Variants in STARD8 observed in about 807,000 individuals in gnomAD.
STARD8 encodes the protein stAR-related lipid transfer protein 8.
STARD8 carries 25 observed loss-of-function variants against 69.4 expected under a neutral mutation model. The ratio of observed to expected loss-of-function variants is 0.36; its 90% CI spans 0.26 to 0.50. STARD8 has a LOEUF of 0.50. STARD8 is among the 20% of genes least tolerant of loss of function. STARD8 has a pLI of 0.96. For missense variants in STARD8, 921 were observed against 932.5 expected (o/e 0.99, Z 0.16); for synonymous variants, 389 against 374.6 (o/e 1.04, Z -0.45).
At chrX:68,674,926 G>A (rs2079754834) in intron 2 of STARD8, among the ~76,000 whole-genome samples, 1 of 106,297 alleles carries the variant, frequency 9.4e-6, no homozygotes, top group African/African-American at 3.5e-5. Flanking sequence ...GGGATTACAG[G>A]CACGCACCAC....
chrX:68,707,147 G>C (rs1323019710), intron 2 of STARD8, among the ~76,000 whole-genome samples: 1 of 112,704 alleles, frequency 8.9e-6, no homozygotes, highest in African/African-American at 3.2e-5. Context: ...ACCCTGTTTT[G>C]GAGGCCCCCA....
rs756382411 is a variant in STARD8 at position 68,718,527 on chromosome X, T to C, written c.1613T>C (p.Met538Thr). 1.7e-5 allele frequency: 20 copies of C among 1,210,859 alleles called. No homozygotes were observed. In the East Asian group the frequency reaches 5.9e-4, roughly 36 times the overall value. The part of the protein sequence containing the change: ...SSELDSSGNS[M>T]NEAEAAGPLA... ...GAACTTGACAGTAGTGGGAACTCCATGAATGAGGCTGAGGCTGCGGGGCCC... is the reference window on the plus strand; with the variant it reads ...GAACTTGACAGTAGTGGGAACTCCACGAATGAGGCTGAGGCTGCGGGGCCC... Residue 538 changes from methionine to threonine, a missense_variant, in exon 6 of 15, where the codon ATG becomes ACG. Coordinates refer to ENST00000374599, the MANE Select transcript of STARD8 (RefSeq NM_001142503.3).
At chrX:68,680,471 G>T (rs2079794581) in intron 2 of STARD8, among the ~76,000 whole-genome samples, 2 of 112,477 alleles carry the variant, frequency 1.8e-5, no homozygotes, top group African/African-American at 6.5e-5. Flanking sequence ...AGGGCCCCTG[G>T]CTAGTCACAA....
chrX:68,683,960 C>T (rs896289932), intron 2 of STARD8, among the ~76,000 whole-genome samples: 8 of 112,410 alleles, frequency 7.1e-5, no homozygotes, highest in African/African-American at 2.6e-4. Flanking sequence ...ATTACCTTTG[C>T]TGCTTCTGAG....
chrX:68,647,853 G>A lies in STARD8; in HGVS notation c.-30G>A. ...AGGAGCCGGTGCCCGGCACAGCCCC[G>A]CCGGCCCTAGAAGCTCCCCACGCGC... On this transcript the variant is annotated 5_prime_UTR_variant, in exon 1 of 15. Coordinates refer to ENST00000374599, the MANE Select transcript of STARD8 (RefSeq NM_001142503.3). The A allele has an allele frequency of 1.7e-6, 2 of 1,189,778 alleles. No individual in the cohort carries two copies. Among genetic ancestry groups the A allele is most frequent in the Non-Finnish European group, 2.3e-6 (2 of 884,727 alleles).
chrX:68,664,774 G>A (rs920838164), intron 1 of STARD8, among the ~76,000 whole-genome samples: 6 of 112,297 alleles, frequency 5.3e-5, no homozygotes, highest in African/African-American at 9.7e-5. Flanking sequence ...GTTCAGCTGC[G>A]TAAGGATCTC....
In STARD8 at chrX:68,676,983, CA is replaced by C. The variant is rs370318009; in HGVS notation, c.79+11464del. 2.3e-3 allele frequency among the ~76,000 whole-genome samples: 214 copies of C among 94,057 alleles called. 1 individual carries two copies. The highest frequency in any genetic ancestry group is 3.1e-3 in the African/African-American group (81 of 25,931). The allele number at this position is 94,057 out of a possible 115,157, so 81.7% of individuals were successfully genotyped here. Reference sequence around the variant, plus strand: ...CAACATAGGGAGACCCCGCCCCTACCAAAAAAAAAAAAATTAGCCAGGTGTG... The same window carrying C: ...CAACATAGGGAGACCCCGCCCCTACCAAAAAAAAAAAATTAGCCAGGTGTG... On this transcript the variant is annotated intron_variant, in intron 2 of 14. Coordinates refer to ENST00000374599, the MANE Select transcript of STARD8 (RefSeq NM_001142503.3).
rs369464761 is a variant in STARD8 at position 68,723,953 on chromosome X, G to T, written c.3026G>T (p.Arg1009Leu). The stretch of plus-strand genomic sequence containing the variant: ...TGTCCCTTCTCCAATAGGATGTGGC[G>T]CTCTGACCTGCCTCGTGGGGGTTGC... ...CRDFVVLRMW[R>L]SDLPRGGCLL... The change falls in exon 14 of 15, where the codon CGC becomes CTC. Residue 1009 changes from arginine (R) to leucine (L), a missense_variant. By Grantham distance (102) the Arg-to-Leu change is moderately radical (BLOSUM62 -2). Coordinates refer to ENST00000374599, the MANE Select transcript of STARD8 (RefSeq NM_001142503.3). 4.4e-5 allele frequency: 53 copies of T among 1,210,371 alleles called. No homozygotes were observed. The Admixed American group carries it at 5.2e-4, about 12-fold the overall frequency.
intron 1 of STARD8, among the ~76,000 whole-genome samples, chrX:68,661,945 CCTCTCTCTCTCT>C (rs748990661): frequency 1.4e-5 from 1 of 72,347 alleles, no homozygotes; most frequent in African/African-American, 6.5e-5. Flanking sequence ...CTCCCTCCTT[CCTCTCTCTCTCT>C]CTCTCTCTCT....
At chrX:68,652,900 A>G (rs868635050) in intron 1 of STARD8, among the ~76,000 whole-genome samples, 3 of 15,644 alleles carry the variant, frequency 1.9e-4, no homozygotes, top group African/African-American at 8.4e-4. Context: ...ACACCACACC[A>G]CACACACCAC....
At position 68,683,279 on chromosome X, in the gene STARD8, G is replaced by A. The variant is rs1324566235; in HGVS notation, c.79+17747G>A. ...TGTACAGTGGTTACTAGCTAAAGCT[G>A]ACAGTCCAAACTGTATGACCTTGGG... On this transcript the variant is annotated intron_variant, in intron 2 of 14. Coordinates refer to ENST00000374599, the MANE Select transcript of STARD8 (RefSeq NM_001142503.3). Among the ~76,000 whole-genome samples the A allele has an allele frequency of 2.7e-5, 3 of 112,536 alleles. No homozygotes were observed. In the East Asian group the frequency reaches 8.3e-4, roughly 31 times the overall value.
chrX:68,686,517 G>C (rs2079833858), intron 2 of STARD8, among the ~76,000 whole-genome samples: 1 of 112,638 alleles, frequency 8.9e-6, no homozygotes, highest in Non-Finnish European at 1.9e-5. Context: ...GGGTGTGGAG[G>C]GCACCCGGTG....
chrX:68,658,680 G>A (rs986937772), intron 1 of STARD8, among the ~76,000 whole-genome samples: 3 of 112,461 alleles, frequency 2.7e-5, no homozygotes, highest in African/African-American at 9.7e-5. Flanking sequence ...GGGAGCCAGG[G>A]CCCGGCCTGC....
chrX:68,697,092 T>G (rs1161101120), intron 2 of STARD8, among the ~76,000 whole-genome samples: 8 of 112,106 alleles, frequency 7.1e-5, no homozygotes, highest in African/African-American at 2.3e-4. Context: ...CCCAGAAACC[T>G]TATCAGTTCA....
At chrX:68,705,466 A>G (rs7880010) in intron 2 of STARD8, among the ~76,000 whole-genome samples, 5,544 of 112,328 alleles carry the variant, frequency 0.049, 315 homozygotes, top group African/African-American at 0.16. Flanking sequence ...TTTCTTGTGT[A>G]ACTTCCATTT....
Position 68,650,434 on chromosome X carries a change from A to G in STARD8, c.45+2507A>G, listed in dbSNP as rs972910178. On this transcript the variant is annotated intron_variant, in intron 1 of 14. Coordinates refer to ENST00000374599, the MANE Select transcript of STARD8 (RefSeq NM_001142503.3). Reference sequence around the variant, plus strand: ...GAGCAAGATCCTATAGAAGAAGAAGAAGGAGGAGGAGGAGGAGGAGGAAGA... The same window carrying G: ...GAGCAAGATCCTATAGAAGAAGAAGGAGGAGGAGGAGGAGGAGGAGGAAGA... Among the ~76,000 whole-genome samples the G allele has an allele frequency of 2.1e-3, 169 of 82,210 alleles. 1 individual carries two copies. The highest frequency in any genetic ancestry group is 7.1e-3 in the African/African-American group (160 of 22,627). 71.4% of individuals were successfully genotyped at this position (82,210 alleles called of 115,157 possible). A position where few individuals can be genotyped will look rare whatever the true frequency, so the allele number is the denominator to read the frequency against.
intron 2 of STARD8, among the ~76,000 whole-genome samples, chrX:68,688,657 A>G (rs1274038066): frequency 8.9e-6 from 1 of 112,317 alleles, no homozygotes; most frequent in Non-Finnish European, 1.9e-5. Context: ...GACTCTGGAT[A>G]CCCATAGCCC....
intron 2 of STARD8, among the ~76,000 whole-genome samples, chrX:68,668,103 TTCTTTCTTTCTG>T (rs1366782072): frequency 1.9e-3 from 191 of 101,866 alleles, no homozygotes; most frequent in East Asian, 0.01. Flanking sequence ...CTTTCTTTCT[TTCTTTCTTTCTG>T]TCTTTCTTTC....
chrX:68,653,552 GC>G (rs2079590215), intron 1 of STARD8, among the ~76,000 whole-genome samples: 1 of 33,342 alleles, frequency 3.0e-5, no homozygotes, highest in African/African-American at 1.2e-4. Flanking sequence ...ACACACCACA[GC>G]ACACATACAC....
Sources: allele counts gnomAD v4.1 joint callset (sites outside exome capture counted in the v4.1 genomes callset), GRCh38; gene constraint gnomAD v4.1.1; transcripts MANE v1.5; gene names NCBI Gene and HGNC (gene_info 2026-07-23, HGNC 2026-07-21).